Variants in NUDT1 observed in about 807,000 individuals in gnomAD.
NUDT1 encodes the protein oxidized purine nucleoside triphosphate hydrolase.
A neutral mutation model predicts 11.3 loss-of-function variants in NUDT1; 16 were observed. The ratio of observed to expected loss-of-function variants is 1.41; its 90% CI spans 0.96 to 2.15. The LOEUF (loss-of-function observed/expected upper bound fraction) is 2.15. Ranked by LOEUF, NUDT1 falls within the 30% of genes most tolerant of loss-of-function variation. NUDT1 has a pLI of 0.00. For synonymous variants in NUDT1, 101 were observed against 84.4 expected, an observed-to-expected ratio of 1.20 and a Z score of -1.08; for missense variants, 234 against 208.4, an observed-to-expected ratio of 1.12 and a Z score of -0.76.
chr7:2,246,483 G>A (rs78023179), intron 2 of NUDT1, among the ~76,000 whole-genome samples: 57 of 152,352 alleles, frequency 3.7e-4, no homozygotes, highest in African/African-American at 1.3e-3. Context: ...AGAAGTGGTG[G>A]GTGTGAGTGG....
At chr7:2,245,299 A>G (rs529279199) in intron 2 of NUDT1, among the ~76,000 whole-genome samples, 2 of 152,288 alleles carry the variant, frequency 1.3e-5, no homozygotes, top group African/African-American at 4.8e-5. Flanking sequence ...CATCTGTGTA[A>G]ACATCGCTGC....
chr7:2,247,834 T>C (rs1475755402), intron 2 of NUDT1, among the ~76,000 whole-genome samples: 1 of 152,038 alleles, frequency 6.6e-6, no homozygotes, highest in Non-Finnish European at 1.5e-5. Flanking sequence ...CACTGGGAGG[T>C]GACGCTTTTT....
chr7:2,245,766 A>G (rs1452910247), intron 2 of NUDT1, among the ~76,000 whole-genome samples: 3 of 151,560 alleles, frequency 2.0e-5, no homozygotes, highest in African/African-American at 7.3e-5. Flanking sequence ...ATTAACTCCC[A>G]GGCTCAAGCG....
In NUDT1 at chr7:2,242,250, G is replaced by C. The variant is rs1190383770; in HGVS notation, c.-19G>C. On this transcript the variant is annotated 5_prime_UTR_variant, in exon 1 of 4. Transcript: ENST00000356714. ...CAGAGGCCACGCCCCCGGAAGCGGC[G>C]GTGCAGGTACGAAAAGCGCGCGCGG... is the stretch of plus-strand genomic sequence containing the variant. The C allele has an allele frequency of 9.9e-6, 14 of 1,415,812 alleles. No individual in the cohort carries two copies. Among genetic ancestry groups the C allele is most frequent in the South Asian group, 2.6e-5 (2 of 76,928 alleles). 87.7% of individuals were successfully genotyped at this position (1,415,812 alleles called of 1,614,324 possible).
intron 2 of NUDT1, among the ~76,000 whole-genome samples, chr7:2,245,720 A>G (rs1009226902): frequency 2.6e-5 from 4 of 152,086 alleles, no homozygotes; most frequent in Non-Finnish European, 5.9e-5. Flanking sequence ...CACCACGCTC[A>G]GTTCGTTTTT....
chr7:2,245,031 C>T (rs1794717614), intron 2 of NUDT1, among the ~76,000 whole-genome samples: 3 of 152,174 alleles, frequency 2.0e-5, no homozygotes, highest in Non-Finnish European at 2.9e-5. Context: ...ATCTGGAAGC[C>T]TCTGTGCAGC....
At chr7:2,243,704 C>T (rs1045333206) in intron 1 of NUDT1, among the ~76,000 whole-genome samples, 3 of 152,152 alleles carry the variant, frequency 2.0e-5, no homozygotes, top group African/African-American at 4.8e-5. Context: ...GCCAGGGAGG[C>T]GGAGGTTACA....
At chr7:2,243,941 G>A (rs865877623) in intron 1 of NUDT1, among the ~76,000 whole-genome samples, 3 of 152,332 alleles carry the variant, frequency 2.0e-5, no homozygotes, top group Middle Eastern at 3.4e-3. Flanking sequence ...CTGGGTGCCA[G>A]GTCCCACAGT....
In NUDT1 at chr7:2,251,029, G is replaced by A. The variant is rs372938387; in HGVS notation, c.*28G>A. The A allele has an allele frequency of 2.8e-4, 449 of 1,612,524 alleles. No homozygotes were observed. The highest frequency in any genetic ancestry group is 3.6e-4 in the Non-Finnish European group (423 of 1,179,250). ...GGAGCCCAGGGCAGCCCCTGGGCAGGAGACGTGGCTGCTGAACAGCCGCAA... is the reference window on the plus strand; with the variant it reads ...GGAGCCCAGGGCAGCCCCTGGGCAGAAGACGTGGCTGCTGAACAGCCGCAA... On this transcript the variant is annotated 3_prime_UTR_variant, in exon 4 of 4. Coordinates refer to ENST00000356714, the MANE Select transcript of NUDT1 (RefSeq NM_002452.4).
intron 2 of NUDT1, among the ~76,000 whole-genome samples, chr7:2,245,783 C>T (rs917941858): frequency 2.0e-5 from 3 of 152,070 alleles, no homozygotes; most frequent in Non-Finnish European, 1.5e-5. Flanking sequence ...AGCGATCCTC[C>T]CTCCCGGGCC....
chr7:2,245,343 G>A (rs1297234347), intron 2 of NUDT1, among the ~76,000 whole-genome samples: 1 of 152,176 alleles, frequency 6.6e-6, no homozygotes, highest in Non-Finnish European at 1.5e-5. Flanking sequence ...TTTTTGTTCT[G>A]AGAAAGGTAG....
At position 2,244,503 on chromosome 7, in the gene NUDT1, CT is replaced by C. The variant is rs1794687513; in HGVS notation, c.-12-59del. On this transcript the variant is annotated intron_variant, in intron 1 of 3. Transcript: ENST00000356714. ...GAGCACGTCCCCTTCCTCCTGGCCC[CT>C]GGCACGTGCTTCCTCCACGCACGTC... The C allele has an allele frequency of 2.0e-6, 3 of 1,469,290 alleles. No homozygotes were observed. In the South Asian group the frequency reaches 4.3e-5, roughly 21 times the overall value. 91.0% of individuals were successfully genotyped at this position (1,469,290 alleles called of 1,614,324 possible). A position where few individuals can be genotyped will look rare whatever the true frequency, so the allele number is the denominator to read the frequency against.
chr7:2,242,361 G>A (rs1363423816), intron 1 of NUDT1, 105 bp downstream of exon 1: 1 of 556,364 alleles, frequency 1.8e-6, no homozygotes, highest in South Asian at 2.3e-5. Context: ...GGGCTTGGGG[G>A]AGAGCGGGGC....
At chr7:2,247,395 C>A (rs918414094) in intron 2 of NUDT1, among the ~76,000 whole-genome samples, 8 of 152,212 alleles carry the variant, frequency 5.3e-5, no homozygotes, top group African/African-American at 1.9e-4. Flanking sequence ...CTCTGTGGGG[C>A]AGGGGACAGG....
intron 1 of NUDT1, among the ~76,000 whole-genome samples, chr7:2,243,497 G>A (rs1794637760): frequency 6.6e-6 from 1 of 152,200 alleles, no homozygotes; most frequent in Non-Finnish European, 1.5e-5. Context: ...TCCTGGCTGG[G>A]CGCAGTGGCT....
chr7:2,249,899 C>T lies in NUDT1; in HGVS notation c.195C>T (p.His65=). ...GCGGTCTGACAGTGGACGCCCTGCA[C>T]AAGGTGGGCCAGATCGTGTTTGAGT... ...EESGLTVDAL[H]KVGQIVFEFV... Residue 65 remains histidine (H), a synonymous_variant, in exon 3 of 4, where the codon CAC becomes CAT. Coordinates refer to ENST00000356714, the MANE Select transcript of NUDT1 (RefSeq NM_002452.4). The T allele has an allele frequency of 1.2e-6, 2 of 1,614,174 alleles. No individual in the cohort carries two copies. The highest frequency in any genetic ancestry group is 2.2e-5 in the East Asian group (1 of 44,890).
In NUDT1 at chr7:2,249,918, T is replaced by C. The variant is rs772024222; in HGVS notation, c.214T>C (p.Phe72Leu). The C allele has an allele frequency of 6.2e-7, 1 of 1,614,170 alleles. No homozygotes were observed. The highest frequency in any genetic ancestry group is 8.5e-7 in the Non-Finnish European group (1 of 1,180,006). The part of the protein sequence containing the change: ...DALHKVGQIV[F>L]EFVGEPELMD... ...CCTGCACAAGGTGGGCCAGATCGTG[T>C]TTGAGTTCGTGGGCGAGCCTGAGCT... Residue 72 changes from phenylalanine (F) to leucine (L), a missense_variant, in exon 3 of 4, where the codon TTT becomes CTT. Transcript: ENST00000356714.
chr7:2,247,153 C>A (rs1794799225), intron 2 of NUDT1, among the ~76,000 whole-genome samples: 1 of 152,202 alleles, frequency 6.6e-6, no homozygotes, highest in African/African-American at 2.4e-5. Flanking sequence ...TGGGGCAACC[C>A]CAGGCCCGTG....
Position 2,249,914 on chromosome 7 carries a change from C to A in NUDT1, c.210C>A (p.Ile70=). 8 of 1,614,188 alleles carry A rather than the reference C, an allele frequency of 5.0e-6. No individual in the cohort carries two copies. The highest frequency in any genetic ancestry group is 6.8e-6 in the Non-Finnish European group (8 of 1,180,022). Residue 70 remains isoleucine, a synonymous_variant, in exon 3 of 4, where the codon ATC becomes ATA. Transcript: ENST00000356714. ...ACGCCCTGCACAAGGTGGGCCAGAT[C>A]GTGTTTGAGTTCGTGGGCGAGCCTG... The part of the protein sequence containing the change: ...TVDALHKVGQ[I]VFEFVGEPEL...
Sources: allele counts gnomAD v4.1 joint callset (sites outside exome capture counted in the v4.1 genomes callset), GRCh38; gene constraint gnomAD v4.1.1; transcripts MANE v1.5; gene names NCBI Gene and HGNC (gene_info 2026-07-23, HGNC 2026-07-21).